The following NDUFA7 variants were observed in gnomAD, a reference collection of about 807,000 sequenced individuals.
The protein encoded by NDUFA7 is NADH dehydrogenase [ubiquinone] 1 alpha subcomplex subunit 7.
In NDUFA7, 18 loss-of-function variants were observed where a neutral mutation model predicts 14.2. The ratio of observed to expected loss-of-function variants is 1.27; its 90% CI spans 0.88 to 1.88. NDUFA7 has a LOEUF of 1.88. Ranked by LOEUF, NDUFA7 falls within the 40% of genes most tolerant of loss-of-function variation. The probability of loss-of-function intolerance (pLI) is 0.00; values close to 1 mark genes in which losing one functional copy is unlikely to be tolerated. For missense variants in NDUFA7, 172 were observed against 147.3 expected, an observed-to-expected ratio of 1.17 and a Z score of -0.87; for synonymous variants, 75 against 62.1, an observed-to-expected ratio of 1.21 and a Z score of -0.98.
chr19:8,317,342 G>A (rs1454234505), intron 2 of NDUFA7, among the ~76,000 whole-genome samples: 2 of 152,136 alleles, frequency 1.3e-5, no homozygotes, highest in Non-Finnish European at 2.9e-5. Flanking sequence ...CGAGGTGGGT[G>A]GATCACTTGA....
chr19:8,315,367 T>C (rs1970221156), intron 3 of NDUFA7, among the ~76,000 whole-genome samples: 1 of 152,120 alleles, frequency 6.6e-6, no homozygotes, highest in Admixed American at 6.6e-5. Flanking sequence ...CCCTGGGCAA[T>C]GGAATGTCTC....
chr19:8,316,148 CAAAAAAA>C (rs60161246), intron 3 of NDUFA7, among the ~76,000 whole-genome samples: 1 of 80,648 alleles, frequency 1.2e-5, no homozygotes, highest in African/African-American at 4.3e-5. Flanking sequence ...GACTCCGTCT[CAAAAAAA>C]AAAAAAAAAA....
chr19:8,312,294 G>C (rs148826289), intron 3 of NDUFA7, among the ~76,000 whole-genome samples: 1 of 152,326 alleles, frequency 6.6e-6, no homozygotes, highest in African/African-American at 2.4e-5. Flanking sequence ...TGATGGAGGA[G>C]GCGCCCCAGG....
intron 1 of NDUFA7, 116 bp from the exon 2 acceptor site, chr19:8,321,022 G>A: frequency 8.3e-7 from 1 of 1,201,520 alleles, no homozygotes; most frequent in South Asian, 1.3e-5. Context: ...GGCAGGGGAT[G>A]AACACTCGGG....
At chr19:8,312,698 G>T (rs1460143876) in intron 3 of NDUFA7, among the ~76,000 whole-genome samples, 1 of 152,082 alleles carries the variant, frequency 6.6e-6, no homozygotes, top group Non-Finnish European at 1.5e-5. Context: ...GTCTCACTTT[G>T]TCACCCAGGC....
At chr19:8,314,969 G>A (rs1970216618) in intron 3 of NDUFA7, among the ~76,000 whole-genome samples, 1 of 152,206 alleles carries the variant, frequency 6.6e-6, no homozygotes, top group African/African-American at 2.4e-5. Flanking sequence ...ATTTTAATCT[G>A]TAATCTTACC....
intron 2 of NDUFA7, among the ~76,000 whole-genome samples, chr19:8,317,893 G>A (rs1359086070): frequency 2.0e-5 from 3 of 152,184 alleles, no homozygotes; most frequent in East Asian, 3.9e-4. Context: ...GGTTGATGTC[G>A]AATTCCTGGC....
intron 3 of NDUFA7, among the ~76,000 whole-genome samples, chr19:8,313,605 G>A (rs554251430): frequency 8.5e-5 from 13 of 152,316 alleles, no homozygotes; most frequent in Admixed American, 5.9e-4. Flanking sequence ...TGCAAGTCTA[G>A]CATCCCTATT....
At position 8,311,565 on chromosome 19, in the gene NDUFA7, C is replaced by T. The variant is rs759294617; in HGVS notation, c.282G>A (p.Ala94=). 1.9e-5 allele frequency: 30 copies of T among 1,612,402 alleles called. No individual in the cohort carries two copies. The highest frequency in any genetic ancestry group is 1.2e-4 in the Admixed American group (7 of 59,866). Residue 94 remains alanine (A), a synonymous_variant, in exon 4 of 4, where the codon GCG becomes GCA. Coordinates refer to ENST00000301457, the MANE Select transcript of NDUFA7 (RefSeq NM_005001.5). ...SSAVAATEKK[A]VTPAPPIKRW... ...TCTTTATGGGAGGAGCTGGAGTCAC[C>T]GCCTTCTTCTCAGTGGCAGCTACAG...
intron 2 of NDUFA7, among the ~76,000 whole-genome samples, chr19:8,317,043 G>A (rs528958884): frequency 2.4e-4 from 36 of 152,206 alleles, no homozygotes; most frequent in African/African-American, 8.4e-4. Flanking sequence ...GGCTCTGGAC[G>A]CCCTGCGTTT....
intron 3 of NDUFA7, 108 bp from the exon 4 acceptor site, chr19:8,311,703 C>A: frequency 1.2e-6 from 1 of 853,862 alleles, no homozygotes; most frequent in South Asian, 1.7e-5. Context: ...ACTTTCTGGA[C>A]CTGCAGGACA....
At chr19:8,317,343 G>A (rs1251609264) in intron 2 of NDUFA7, among the ~76,000 whole-genome samples, 1 of 152,132 alleles carries the variant, frequency 6.6e-6, no homozygotes, top group African/African-American at 2.4e-5. Context: ...GAGGTGGGTG[G>A]ATCACTTGAG....
At chr19:8,309,960 G>A (rs1970155368), downstream of NDUFA7, among the ~76,000 whole-genome samples, 1 of 152,192 alleles carries the variant, frequency 6.6e-6, no homozygotes, top group Non-Finnish European at 1.5e-5. Context: ...CAGCATAATG[G>A]GATCTGGCTC....
chr19:8,319,235 A>G (rs1970272067), intron 2 of NDUFA7: 1 of 152,104 alleles, frequency 6.6e-6, no homozygotes, highest in Non-Finnish European at 1.5e-5. Context: ...CTTTGTAACA[A>G]AACTGCAAAT....
intron 2 of NDUFA7, chr19:8,319,580 A>T (rs961230359): frequency 3.2e-4 from 46 of 144,888 alleles, no homozygotes; most frequent in African/African-American, 1.2e-3. Context: ...AAAAAAAAAA[A>T]GTTGAAAACA....
chr19:8,319,026 C>T (rs1267678324), intron 2 of NDUFA7, among the ~76,000 whole-genome samples: 4 of 150,306 alleles, frequency 2.7e-5, no homozygotes, highest in Non-Finnish European at 4.4e-5. Flanking sequence ...TAGAGGGTGC[C>T]GTCATCCTAA....
downstream of NDUFA7, among the ~76,000 whole-genome samples, chr19:8,309,946 G>A (rs77790559): frequency 0.01 from 1,540 of 152,292 alleles, 31 homozygotes; most frequent in African/African-American, 0.036. Flanking sequence ...TTATCCCACA[G>A]CCCCAGCATA....
At chr19:8,308,757 A>G (rs1568560091), downstream of NDUFA7, 2 of 199,610 alleles carry the variant, frequency 1.0e-5, no homozygotes, top group East Asian at 3.3e-4. Flanking sequence ...ACTGGAGGGC[A>G]GGGATCTTCT....
intron 2 of NDUFA7, among the ~76,000 whole-genome samples, chr19:8,318,068 G>T (rs113779394): frequency 0.022 from 3,348 of 152,226 alleles, 173 homozygotes; most frequent in South Asian, 0.17. Context: ...TTATGTGAAA[G>T]ACTTTGCTTA....
Sources: gnomAD v4.1 joint callset for allele counts (sites outside exome capture counted in the v4.1 genomes callset) on GRCh38, gnomAD v4.1.1 for gene constraint, MANE v1.5 for transcripts, NCBI Gene and HGNC (gene_info 2026-07-23, HGNC 2026-07-21) for gene names.